Variants in PCDHGA7 observed in about 807,000 individuals in gnomAD.
PCDHGA7 encodes protocadherin gamma subfamily A, 7.
Under a neutral mutation model 58.3 loss-of-function variants are expected in PCDHGA7, and 44 were observed. The observed-to-expected ratio is 0.75, with a 90% CI of 0.59 to 0.97. The LOEUF (loss-of-function observed/expected upper bound fraction) is 0.97, where lower values mean the gene tolerates loss of function less well. Among genes scored for constraint, PCDHGA7 ranks in the 50% least tolerant of loss-of-function variants. The probability of loss-of-function intolerance (pLI) is 0.00; values close to 1 mark genes in which losing one functional copy is unlikely to be tolerated. For synonymous variants in PCDHGA7, 516 were observed against 504.2 expected (o/e 1.02, Z -0.31); for missense variants, 1,266 against 1,188.7 (o/e 1.06, Z -0.96).
At chr5:141,395,525 G>T in intron 1 of PCDHGA7, 1 of 384,022 alleles carries the variant, frequency 2.6e-6, no homozygotes, top group Non-Finnish European at 4.6e-6. Context: ...CGTCCATACT[G>T]GTAATTTTGC....
rs144222319 is a variant in PCDHGA7, at chr5:141,505,519, C to T, written c.2572+38C>T. ...AGTGTGTGTATGGAAGAGTGGGAGACCTGGGGTTCTGGGGTGCATCTCACA... is the reference window on the plus strand; with the variant it reads ...AGTGTGTGTATGGAAGAGTGGGAGATCTGGGGTTCTGGGGTGCATCTCACA... On this transcript the variant is annotated intron_variant, in intron 3 of 3. Coordinates refer to ENST00000518325, the MANE Select transcript of PCDHGA7 (RefSeq NM_018920.4). The T allele has an allele frequency of 1.5e-3, 2,491 of 1,613,690 alleles. 3 individuals carry two copies. The highest frequency in any genetic ancestry group is 2.6e-3 in the Middle Eastern group (16 of 6,060).
rs772637812 is a variant in PCDHGA7 at position 141,408,685 on chromosome 5, TATAAAC to T, written c.2424+23369_2424+23374del. On this transcript the variant is annotated intron_variant, in intron 1 of 3. Transcript: ENST00000518325. ...CGCTTGACCCTGCCACGGATCCTGA[TATAAAC>T]ATAAACTCAATTAAAGATTATAAGA... 8 of 1,613,994 alleles carry T rather than the reference TATAAAC, an allele frequency of 5.0e-6. No individual in the cohort carries two copies. The Admixed American group carries it at 1.0e-4, about 20-fold the overall frequency.
chr5:141,434,981 T>C (rs2097734526), intron 1 of PCDHGA7, among the ~76,000 whole-genome samples: 1 of 152,054 alleles, frequency 6.6e-6, no homozygotes. Flanking sequence ...GTTAATACTC[T>C]ATATCATTTT....
chr5:141,418,497 CCG>C, intron 1 of PCDHGA7: 1 of 1,613,994 alleles, frequency 6.2e-7, no homozygotes, highest in Non-Finnish European at 8.5e-7. Flanking sequence ...TTGGTACTGA[CCG>C]CCTTAGATGG....
In PCDHGA7 at chr5:141,432,171, T is replaced by C. The variant is rs114326665; in HGVS notation, c.2424+46848T>C. On this transcript the variant is annotated intron_variant, in intron 1 of 3. Coordinates refer to ENST00000518325, the MANE Select transcript of PCDHGA7 (RefSeq NM_018920.4). This position sits in a 1 kb window ranked among gnomAD's most constrained non-coding sequence, Gnocchi z 6.0. ...GAGAACAATCCCAGAGGAGTTTCCC[T>C]CGTCTCTGTGACCGCCCACGACCCC... The C allele has an allele frequency of 4.4e-5, 71 of 1,614,046 alleles. No individual in the cohort carries two copies. In the African/African-American group the frequency reaches 8.5e-4, roughly 19 times the overall value.
intron 1 of PCDHGA7, among the ~76,000 whole-genome samples, chr5:141,447,542 T>G (rs980012061): frequency 1.3e-5 from 2 of 152,216 alleles, no homozygotes; most frequent in African/African-American, 4.8e-5. Context: ...TGGGTTTTAA[T>G]GTTATGAGTA....
intron 1 of PCDHGA7, chr5:141,441,743 C>T (rs1298220876): frequency 1.4e-5 from 5 of 367,166 alleles, no homozygotes; most frequent in Non-Finnish European, 2.2e-5. Context: ...AGCTCGCGCT[C>T]GGCGTCAACG....
At position 141,490,561 on chromosome 5, in the gene PCDHGA7, A is replaced by C. The variant is rs2099701634; in HGVS notation, c.2425-4246A>C. The stretch of plus-strand genomic sequence containing the variant: ...TTCCCTACACAAACATCTCACCATC[A>C]GGCTCAACATTTCAGATGTCAATGA... On this transcript the variant is annotated intron_variant, in intron 1 of 3. Transcript: ENST00000518325. The surrounding 1 kb of genome is among the most constrained non-coding windows in gnomAD (Gnocchi z 5.4). The C allele has an allele frequency of 1.2e-6, 2 of 1,614,090 alleles. No homozygotes were observed. The highest frequency in any genetic ancestry group is 1.7e-4 in the Middle Eastern group (1 of 6,060).
intron 1 of PCDHGA7, among the ~76,000 whole-genome samples, chr5:141,429,386 T>TA (rs1561841076): frequency 9.9e-5 from 15 of 151,936 alleles, no homozygotes; most frequent in South Asian, 8.3e-4. Flanking sequence ...TGTTTTTTTT[T>TA]TAAAAAAAAT....
At chr5:141,388,034 C>T in intron 1 of PCDHGA7, 2 of 1,423,576 alleles carry the variant, frequency 1.4e-6, no homozygotes, top group Non-Finnish European at 1.9e-6. Flanking sequence ...TGGGGAACCT[C>T]GCCACGGACC....
chr5:141,408,463 G>T, intron 1 of PCDHGA7: 1 of 1,614,014 alleles, frequency 6.2e-7, no homozygotes, highest in Non-Finnish European at 8.5e-7. Context: ...TACTTGTGAA[G>T]AACCGAATAG....
At chr5:141,393,590 G>C (rs778378242) in intron 1 of PCDHGA7, 2 of 1,613,896 alleles carry the variant, frequency 1.2e-6, no homozygotes, top group South Asian at 1.1e-5. Context: ...CCCCAGGCAC[G>C]CGGCTGCTTA....
chr5:141,455,690 C>A (rs1209152869), intron 1 of PCDHGA7, among the ~76,000 whole-genome samples: 1 of 152,064 alleles, frequency 6.6e-6, no homozygotes, highest in East Asian at 1.9e-4. Context: ...CTGTGGGAAT[C>A]GCCAAGTTGA....
intron 1 of PCDHGA7, among the ~76,000 whole-genome samples, chr5:141,482,530 C>CAAAAAAAAAAAAAA (rs3074545): frequency 1.2e-4 from 9 of 76,558 alleles, no homozygotes; most frequent in African/African-American, 3.8e-4. Flanking sequence ...GACAGACATG[C>CAAAAAAAAAAAAAA]AAAAAAAAAA....
chr5:141,399,460 G>C (rs1465606526), intron 1 of PCDHGA7: 1 of 1,613,962 alleles, frequency 6.2e-7, no homozygotes, highest in Admixed American at 1.7e-5. Context: ...CAACGATAAC[G>C]CTCCGGTTTT....
At chr5:141,386,155 C>T (rs763846568) in intron 1 of PCDHGA7, among the ~76,000 whole-genome samples, 3 of 152,278 alleles carry the variant, frequency 2.0e-5, no homozygotes, top group South Asian at 2.1e-4. Flanking sequence ...AACTGTCTCA[C>T]GTACTCAAAC....
Position 141,486,515 on chromosome 5 carries a change from G to A in PCDHGA7, c.2425-8292G>A. ...AACTATTTTCCTCAATATTTCAGAT[G>A]TGAATGATAATCCACCCTCTTTCTT... On this transcript the variant is annotated intron_variant, in intron 1 of 3. Transcript: ENST00000518325. This position sits in a 1 kb window ranked among gnomAD's most constrained non-coding sequence, Gnocchi z 5.0. 1 of 1,614,172 alleles carries A rather than the reference G, an allele frequency of 6.2e-7. No individual in the cohort carries two copies. The highest frequency in any genetic ancestry group is 8.5e-7 in the Non-Finnish European group (1 of 1,180,026).
Position 141,394,654 on chromosome 5 carries a change from C to G in PCDHGA7, c.2424+9331C>G, listed in dbSNP as rs372355655. On this transcript the variant is annotated intron_variant, in intron 1 of 3. Transcript: ENST00000518325. Reference sequence around the variant, plus strand: ...TACCGCCTGCTCAAGGCCAGCGAGCCGGGACTCTTCTCGGTGGGTCTGCAC... The same window carrying G: ...TACCGCCTGCTCAAGGCCAGCGAGCGGGGACTCTTCTCGGTGGGTCTGCAC... 47 of 1,613,236 alleles carry G rather than the reference C, an allele frequency of 2.9e-5. No homozygotes were observed. The African/African-American group carries it at 5.7e-4, about 20-fold the overall frequency.
At chr5:141,385,354 G>A (rs1781142945) in intron 1 of PCDHGA7, 31 bp downstream of exon 1, 1 of 1,550,398 alleles carries the variant, frequency 6.4e-7, no homozygotes, top group South Asian at 1.2e-5. Context: ...ATTTCCATGA[G>A]GAATTTATTT....
Sources: gnomAD v4.1 joint callset for allele counts (sites outside exome capture counted in the v4.1 genomes callset) on GRCh38, gnomAD v4.1.1 for gene constraint, Gnocchi (gnomAD v3.1) non-coding constraint, MANE v1.5 for transcripts, NCBI Gene and HGNC (gene_info 2026-07-23, HGNC 2026-07-21) for gene names.